The following POU6F2 variants were observed in gnomAD, a reference collection of about 807,000 sequenced individuals.
POU6F2 encodes POU domain, class 6, transcription factor 2.
In POU6F2, 31 loss-of-function variants were observed where a neutral mutation model predicts 71.3. The observed-to-expected ratio is 0.43, with a 90% CI of 0.33 to 0.59. The LOEUF (loss-of-function observed/expected upper bound fraction) is 0.59, where lower values mean the gene tolerates loss of function less well. Ranked by LOEUF, POU6F2 falls within the 20% of genes least tolerant of loss-of-function variation. POU6F2 has a pLI of 0.04. For missense variants in POU6F2, 783 were observed against 856.8 expected (o/e 0.91, Z 1.07); for synonymous variants, 347 against 355.7 (o/e 0.98, Z 0.27).
intron 4 of POU6F2, among the ~76,000 whole-genome samples, chr7:39,251,992 T>C (rs537920350): frequency 1.3e-5 from 2 of 152,356 alleles, no homozygotes; most frequent in South Asian, 2.1e-4. Context: ...CAGTGCCTGT[T>C]GCCTCTGATC....
chr7:39,272,825 G>A (rs1365635569), intron 4 of POU6F2, among the ~76,000 whole-genome samples: 2 of 152,170 alleles, frequency 1.3e-5, no homozygotes, highest in Non-Finnish European at 2.9e-5. Flanking sequence ...ATAACAAGAA[G>A]GAGAGGACTT....
intron 5 of POU6F2, among the ~76,000 whole-genome samples, chr7:39,345,632 T>C (rs537754598): frequency 4.8e-4 from 73 of 152,292 alleles, no homozygotes; most frequent in Non-Finnish European, 9.3e-4. Context: ...GTAAGTTTAG[T>C]AAAAATAATG....
At chr7:39,193,925 G>A (rs1171536425) in intron 2 of POU6F2, among the ~76,000 whole-genome samples, 1 of 151,992 alleles carries the variant, frequency 6.6e-6, no homozygotes, top group African/African-American at 2.4e-5. Flanking sequence ...CACCTAATAG[G>A]GTTATTGTAA....
At chr7:39,260,549 CACCACATTCCACACACAT>C (rs1225552814) in intron 4 of POU6F2, among the ~76,000 whole-genome samples, 23 of 149,738 alleles carry the variant, frequency 1.5e-4, no homozygotes, top group African/African-American at 3.0e-4. Context: ...GTTCCACACA[CACCACATTCCACACACAT>C]ACCACATTCC....
chr7:39,136,814 C>A (rs2128730892), intron 2 of POU6F2, among the ~76,000 whole-genome samples: 1 of 150,094 alleles, frequency 6.7e-6, no homozygotes, highest in Admixed American at 6.7e-5. Flanking sequence ...AGCAACATAG[C>A]AAGATCCCAT....
chr7:39,080,813 G>A (rs1791103656), intron 1 of POU6F2, among the ~76,000 whole-genome samples: 1 of 152,140 alleles, frequency 6.6e-6, no homozygotes, highest in Non-Finnish European at 1.5e-5. Context: ...ATGCTTTGCT[G>A]AGTTAATTAT....
intron 2 of POU6F2, among the ~76,000 whole-genome samples, chr7:39,100,754 G>T (rs752126338): frequency 1.3e-5 from 2 of 151,974 alleles, no homozygotes; most frequent in East Asian, 1.9e-4. Context: ...TAGCTGTATC[G>T]CCCCTTAGAT....
chr7:39,318,449 G>A (rs1235424399), intron 4 of POU6F2, among the ~76,000 whole-genome samples: 2 of 152,130 alleles, frequency 1.3e-5, no homozygotes, highest in Non-Finnish European at 2.9e-5. Flanking sequence ...ATAAATATGT[G>A]CTGAACACTG....
intron 5 of POU6F2, among the ~76,000 whole-genome samples, chr7:39,346,212 T>A (rs1047207149): frequency 6.6e-6 from 1 of 151,888 alleles, no homozygotes; most frequent in Admixed American, 6.6e-5. Flanking sequence ...AGGGAAAAAA[T>A]TAGTTTACCA....
intron 2 of POU6F2, among the ~76,000 whole-genome samples, chr7:39,194,696 G>A (rs974110784): frequency 6.6e-6 from 1 of 152,202 alleles, no homozygotes; most frequent in Non-Finnish European, 1.5e-5. Context: ...TACGCTGTGG[G>A]ATATTTGTTC....
intron 1 of POU6F2, among the ~76,000 whole-genome samples, chr7:39,042,652 A>G (rs764420541): frequency 6.6e-6 from 1 of 152,040 alleles, no homozygotes; most frequent in African/African-American, 2.4e-5. Context: ...TTCATCAACA[A>G]ACAGTGTAGA....
At chr7:39,270,309 G>A (rs554583529) in intron 4 of POU6F2, among the ~76,000 whole-genome samples, 2 of 152,314 alleles carry the variant, frequency 1.3e-5, no homozygotes, top group East Asian at 3.9e-4. Context: ...CACCATGGGT[G>A]CTTTGTAGAT....
chr7:39,004,815 A>T (rs777007092), intron 1 of POU6F2, among the ~76,000 whole-genome samples: 34 of 152,184 alleles, frequency 2.2e-4, no homozygotes, highest in Non-Finnish European at 4.1e-4. Flanking sequence ...GGGCCCTGCA[A>T]GAGATCCTGG....
chr7:38,994,313 C>T (rs1788681518), intron 1 of POU6F2, among the ~76,000 whole-genome samples: 1 of 151,598 alleles, frequency 6.6e-6, no homozygotes, highest in Non-Finnish European at 1.5e-5. Context: ...GACTGGTACT[C>T]GGTGGGTTTC....
chr7:39,276,976 A>T (rs1260867895), intron 4 of POU6F2, among the ~76,000 whole-genome samples: 1 of 151,946 alleles, frequency 6.6e-6, no homozygotes, highest in South Asian at 2.1e-4. Context: ...TGGGTGCAGC[A>T]CACCAGCATG....
chr7:38,994,870 A>G (rs1788695002), intron 1 of POU6F2, among the ~76,000 whole-genome samples: 1 of 151,922 alleles, frequency 6.6e-6, no homozygotes, highest in South Asian at 2.1e-4. Context: ...TCACCCACCC[A>G]CTAATGTGGT....
At chr7:39,410,673 G>A (rs1787533408) in intron 6 of POU6F2, among the ~76,000 whole-genome samples, 1 of 152,130 alleles carries the variant, frequency 6.6e-6, no homozygotes, top group Non-Finnish European at 1.5e-5. Context: ...AAGCTCCTAG[G>A]TTATGAAGAT....
intron 4 of POU6F2, among the ~76,000 whole-genome samples, chr7:39,241,395 GCCAAATGGATGAT>G (rs1362396201): frequency 1.3e-5 from 2 of 152,266 alleles, no homozygotes; most frequent in East Asian, 3.9e-4. Context: ...ATGTTAAAAT[GCCAAATGGATGAT>G]CCAAAGATTA....
At chr7:39,463,775 A>C (rs1013786595) in intron 9 of POU6F2, among the ~76,000 whole-genome samples, 1 of 152,258 alleles carries the variant, frequency 6.6e-6, no homozygotes, top group African/African-American at 2.4e-5. Flanking sequence ...AAATGAAAGA[A>C]TGTGACAACT....
Sources: allele counts gnomAD v4.1 joint callset (sites outside exome capture counted in the v4.1 genomes callset), GRCh38; gene constraint gnomAD v4.1.1; transcripts MANE v1.5; gene names NCBI Gene and HGNC (gene_info 2026-07-23, HGNC 2026-07-21).